The following DLGAP1 variants were observed in gnomAD, a reference collection of about 807,000 sequenced individuals.
The protein encoded by DLGAP1 is DLG associated protein 1.
A neutral mutation model predicts 90.8 loss-of-function variants in DLGAP1; 11 were observed. The observed-to-expected ratio is 0.12, with a 90% CI of 0.08 to 0.20. DLGAP1 has a LOEUF of 0.20. DLGAP1 is among the 10% of genes least tolerant of loss of function. The pLI is 1.00. For synonymous variants in DLGAP1, 558 were observed against 540.7 expected, an observed-to-expected ratio of 1.03 and a Z score of -0.44; for missense variants, 1,050 against 1,333.8, an observed-to-expected ratio of 0.79 and a Z score of 3.31.
intron 2 of DLGAP1, among the ~76,000 whole-genome samples, chr18:4,140,494 AGTT>A (rs1471314268): frequency 1.3e-5 from 2 of 152,032 alleles, no homozygotes; most frequent in Admixed American, 6.5e-5. Flanking sequence ...TATCTTGAAA[AGTT>A]GTTGTAGTGG....
intron 5 of DLGAP1, among the ~76,000 whole-genome samples, chr18:3,761,173 A>G (rs2063945333): frequency 6.6e-6 from 1 of 152,158 alleles, no homozygotes; most frequent in African/African-American, 2.4e-5. Context: ...AATCACTGCC[A>G]CTGTGCATCT....
chr18:3,705,594 C>T (rs2061407548), intron 7 of DLGAP1, among the ~76,000 whole-genome samples: 1 of 151,332 alleles, frequency 6.6e-6, no homozygotes, highest in Admixed American at 6.6e-5. Context: ...CAATTCCAGA[C>T]TCAAAATGTC....
At chr18:4,094,430 AGTT>A (rs2075638359) in intron 2 of DLGAP1, among the ~76,000 whole-genome samples, 1 of 151,996 alleles carries the variant, frequency 6.6e-6, no homozygotes. Context: ...CTTGCATTTC[AGTT>A]GTTATCTCTA....
At chr18:3,685,502 T>C (rs1041193421) in intron 7 of DLGAP1, among the ~76,000 whole-genome samples, 6 of 137,516 alleles carry the variant, frequency 4.4e-5, no homozygotes, top group Admixed American at 3.3e-4. Context: ...AGGCAGAACT[T>C]GCAGTGAGCC....
chr18:3,628,725 A>G (rs1176554012), intron 7 of DLGAP1, among the ~76,000 whole-genome samples: 5 of 152,208 alleles, frequency 3.3e-5, no homozygotes. Flanking sequence ...CTTTAAATTA[A>G]AAGAAGCTTA....
At chr18:4,040,659 T>C (rs2074960732) in intron 2 of DLGAP1, among the ~76,000 whole-genome samples, 3 of 152,200 alleles carry the variant, frequency 2.0e-5, no homozygotes, top group African/African-American at 7.2e-5. Context: ...AGCCAAGGTA[T>C]CAGTTTGTTG....
chr18:4,176,448 A>G (rs188891672), intron 1 of DLGAP1, among the ~76,000 whole-genome samples: 23 of 152,324 alleles, frequency 1.5e-4, no homozygotes, highest in African/African-American at 4.8e-4. Context: ...TAATGGACCA[A>G]CCATTCATAT....
intron 5 of DLGAP1, among the ~76,000 whole-genome samples, chr18:3,753,209 A>C (rs1392183864): frequency 6.6e-6 from 1 of 152,220 alleles, no homozygotes; most frequent in Non-Finnish European, 1.5e-5. Context: ...TGCTGATTTT[A>C]GATAAAAACA....
At chr18:4,450,971 G>T (rs1178139789) in intron 1 of DLGAP1, among the ~76,000 whole-genome samples, 1 of 152,188 alleles carries the variant, frequency 6.6e-6, no homozygotes, top group African/African-American at 2.4e-5. Context: ...AATATCTGTG[G>T]ATATAGATCC....
At chr18:4,061,023 T>C (rs1274202014) in intron 2 of DLGAP1, among the ~76,000 whole-genome samples, 1 of 152,166 alleles carries the variant, frequency 6.6e-6, no homozygotes, top group African/African-American at 2.4e-5. Context: ...CCTGGGGACA[T>C]ATAAAGCTAG....
In DLGAP1 at chr18:3,775,350, G is replaced by A. The variant is rs1037988402; in HGVS notation, c.1173-32838C>T. The stretch of plus-strand genomic sequence containing the variant: ...CGGAAGGGCCTGGTGGGAGGTGACT[G>A]AATCATGGGGGCAGACTTCCCTCTT... On this transcript the variant is annotated intron_variant, in intron 5 of 12. Transcript: ENST00000315677. This position sits in a 1 kb window ranked among gnomAD's most constrained non-coding sequence, Gnocchi z 4.9. 1.3e-5 allele frequency among the ~76,000 whole-genome samples: 2 copies of A among 152,200 alleles called. No homozygotes were observed. The highest frequency in any genetic ancestry group is 4.8e-5 in the African/African-American group (2 of 41,436).
In DLGAP1 at chr18:4,282,511, G is replaced by A. The variant is rs528196442; in HGVS notation, c.-266-131224C>T. Among the ~76,000 whole-genome samples, 3 of 152,186 alleles carry A rather than the reference G, an allele frequency of 2.0e-5. No homozygotes were observed. In the South Asian group the frequency reaches 6.2e-4, roughly 32 times the overall value. On this transcript the variant is annotated intron_variant, in intron 1 of 12. Transcript: ENST00000315677. ...CTTATAGAAACAAAATAGTAAGTAT[G>A]TACAAAGCCATAAATTAATCTTAAA...
intron 7 of DLGAP1, among the ~76,000 whole-genome samples, chr18:3,602,560 A>G (rs1046157727): frequency 7.9e-5 from 11 of 138,516 alleles, no homozygotes; most frequent in African/African-American, 2.7e-4. Context: ...GCGCCACCGC[A>G]CTCCAGCCTG....
At chr18:3,966,501 G>A (rs1905056103) in intron 3 of DLGAP1, among the ~76,000 whole-genome samples, 1 of 152,004 alleles carries the variant, frequency 6.6e-6, no homozygotes, top group African/African-American at 2.4e-5. Context: ...ATGGATTAGG[G>A]GATGAGAAAA....
intron 3 of DLGAP1, among the ~76,000 whole-genome samples, chr18:3,988,290 T>C (rs150398585): frequency 9.1e-4 from 138 of 152,256 alleles, no homozygotes; most frequent in African/African-American, 3.0e-3. Context: ...AGCTATACAA[T>C]TGAAGTACCT....
At chr18:4,279,424 T>A (rs867948169) in intron 1 of DLGAP1, among the ~76,000 whole-genome samples, 1 of 152,184 alleles carries the variant, frequency 6.6e-6, no homozygotes, top group African/African-American at 2.4e-5. Flanking sequence ...GGATTGTGAG[T>A]ATTTAGGTTA....
intron 7 of DLGAP1, among the ~76,000 whole-genome samples, chr18:3,646,135 C>T (rs1421565488): frequency 1.3e-5 from 2 of 152,110 alleles, no homozygotes; most frequent in Non-Finnish European, 2.9e-5. Flanking sequence ...GTGGCTCATG[C>T]CTGTAATCCC....
intron 4 of DLGAP1, among the ~76,000 whole-genome samples, chr18:3,820,245 G>A (rs1411191888): frequency 1.3e-5 from 2 of 152,124 alleles, no homozygotes; most frequent in Admixed American, 6.6e-5. Flanking sequence ...TAGAAAGCCG[G>A]GACAGCTGAA....
chr18:4,052,387 C>T (rs1016134310), intron 2 of DLGAP1, among the ~76,000 whole-genome samples: 4 of 152,148 alleles, frequency 2.6e-5, no homozygotes, highest in Non-Finnish European at 5.9e-5. Flanking sequence ...AGGACCAACA[C>T]TATGTGGATG....
Sources: gnomAD v4.1 joint callset for allele counts (sites outside exome capture counted in the v4.1 genomes callset) on GRCh38, gnomAD v4.1.1 for gene constraint, Gnocchi (gnomAD v3.1) non-coding constraint, MANE v1.5 for transcripts, NCBI Gene and HGNC (gene_info 2026-07-23, HGNC 2026-07-21) for gene names.